The following CFAP99 variants were observed in gnomAD, a reference collection of about 807,000 sequenced individuals.
The protein encoded by CFAP99 is cilia- and flagella-associated protein 99.
A neutral mutation model predicts 82.7 loss-of-function variants in CFAP99; 84 were observed. The ratio of observed to expected loss-of-function variants is 1.02; its 90% CI spans 0.85 to 1.22. The LOEUF (loss-of-function observed/expected upper bound fraction) is 1.22, where lower values mean the gene tolerates loss of function less well. Ranked by LOEUF, CFAP99 falls within the 50% of genes most tolerant of loss-of-function variation. The pLI is 0.00. For synonymous variants in CFAP99, 456 were observed against 429.5 expected (o/e 1.06, Z -0.76); for missense variants, 1,059 against 983.5 (o/e 1.08, Z -1.03).
intron 9 of CFAP99, 32 bp downstream of exon 9, chr4:2,451,050 C>G (rs1409149467): frequency 6.6e-7 from 1 of 1,521,454 alleles, no homozygotes; most frequent in African/African-American, 1.4e-5. Flanking sequence ...TCAGGCTGCT[C>G]TCCCTGGGCA....
At chr4:2,426,710 G>A (rs546469498) in intron 2 of CFAP99, 124 bp downstream of exon 2, 59 of 679,120 alleles carry the variant, frequency 8.7e-5, no homozygotes, top group South Asian at 7.1e-4. Flanking sequence ...GAAGCTGACC[G>A]TGTTTTCCAC....
At chr4:2,458,413 G>A (rs1301603972) in intron 11 of CFAP99, among the ~76,000 whole-genome samples, 1 of 152,110 alleles carries the variant, frequency 6.6e-6, no homozygotes, top group Non-Finnish European at 1.5e-5. Flanking sequence ...AGCCTACGTT[G>A]CTACTGGGTG....
intron 2 of CFAP99, among the ~76,000 whole-genome samples, chr4:2,431,826 C>T (rs1214062182): frequency 3.3e-5 from 5 of 152,070 alleles, no homozygotes; most frequent in Non-Finnish European, 5.9e-5. Flanking sequence ...AAGCAATTCT[C>T]GTGCATGAGC....
intron 2 of CFAP99, chr4:2,427,528 C>T (rs1733711081): frequency 6.6e-6 from 1 of 152,440 alleles, no homozygotes; most frequent in East Asian, 1.9e-4. Flanking sequence ...AAAGAGGGCG[C>T]TCATAGCAAG....
intron 11 of CFAP99, among the ~76,000 whole-genome samples, chr4:2,458,177 C>G (rs1055429596): frequency 3.3e-5 from 5 of 152,236 alleles, no homozygotes; most frequent in African/African-American, 9.6e-5. Context: ...TCTCTCTTTG[C>G]TCATTGTCTG....
chr4:2,440,186 G>A (rs1358678562), intron 4 of CFAP99, among the ~76,000 whole-genome samples: 1 of 120,856 alleles, frequency 8.3e-6, no homozygotes, highest in Non-Finnish European at 1.6e-5. Flanking sequence ...TCGCTCTGTC[G>A]CCCAGGCTGG....
intron 1 of CFAP99, among the ~76,000 whole-genome samples, chr4:2,421,924 G>A (rs1733593891): frequency 6.6e-6 from 1 of 151,912 alleles, no homozygotes; most frequent in South Asian, 2.1e-4. Flanking sequence ...GGGCGTGGTA[G>A]TACATGCCTA....
intron 2 of CFAP99, among the ~76,000 whole-genome samples, chr4:2,429,593 CTTTTTT>C (rs33954359): frequency 7.2e-6 from 1 of 139,156 alleles, no homozygotes; most frequent in Non-Finnish European, 1.6e-5. Context: ...TTCTTTCTTT[CTTTTTT>C]TTTTTTTTTT....
intron 11 of CFAP99, among the ~76,000 whole-genome samples, chr4:2,454,595 T>TTTTTTTTTTTTTTTTTTTTTTC (rs1734384944): frequency 4.6e-5 from 5 of 107,946 alleles, no homozygotes; most frequent in Non-Finnish European, 7.2e-5. Flanking sequence ...TTTTTTTTTG[T>TTTTTTTTTTTTTTTTTTTTTTC]TTTTTTTTTT....
chr4:2,439,343 G>A (rs1733985643), intron 4 of CFAP99, among the ~76,000 whole-genome samples: 1 of 152,224 alleles, frequency 6.6e-6, no homozygotes, highest in Non-Finnish European at 1.5e-5. Context: ...GGAGGGGACA[G>A]TTTCCAGCCA....
intron 8 of CFAP99, 172 bp downstream of exon 8, chr4:2,450,177 T>C: frequency 1.5e-6 from 1 of 683,638 alleles, no homozygotes; most frequent in Non-Finnish European, 2.5e-6. Flanking sequence ...CCCACTGCGA[T>C]GTGGCCCCTA....
At chr4:2,438,364 A>G (rs28468561) in intron 4 of CFAP99, among the ~76,000 whole-genome samples, 200 bp downstream of exon 4, 7,598 of 152,066 alleles carry the variant, frequency 0.05, 562 homozygotes, top group African/African-American at 0.17. Flanking sequence ...CCGGGTTCAT[A>G]CCATTCTCCT....
Position 2,462,433 on chromosome 4 carries a change from C to A in CFAP99, c.1662-10C>A. ...CGGCCTGCTCCTGAGCCCGCCGCGT[C>A]GCCCGCCAGGTGGGAGGAAAAGAAG... On this transcript the variant is annotated splice_polypyrimidine_tract_variant and intron_variant, in intron 14 of 14. Coordinates refer to ENST00000635017, the Ensembl canonical transcript of CFAP99. This position sits in a 1 kb window ranked among gnomAD's most constrained non-coding sequence, Gnocchi z 4.1. The A allele has an allele frequency of 7.0e-7, 1 of 1,424,794 alleles. No individual in the cohort carries two copies. Among genetic ancestry groups the A allele is most frequent in the South Asian group, 1.5e-5 (1 of 67,676 alleles). 88.3% of individuals were successfully genotyped at this position (1,424,794 alleles called of 1,614,324 possible). A position where few individuals can be genotyped will look rare whatever the true frequency, so the allele number is the denominator to read the frequency against.
intron 11 of CFAP99, among the ~76,000 whole-genome samples, chr4:2,453,133 T>C (rs1475770802): frequency 6.6e-6 from 1 of 152,212 alleles, no homozygotes; most frequent in Non-Finnish European, 1.5e-5. Context: ...TCTCACCTCT[T>C]GTAAGTCTAT....
chr4:2,433,856 T>A (rs907205106), intron 2 of CFAP99, among the ~76,000 whole-genome samples: 15 of 152,130 alleles, frequency 9.9e-5, no homozygotes, highest in Non-Finnish European at 2.2e-4. Flanking sequence ...GAGGCCAGTG[T>A]GACTGGAACA....
intron 1 of CFAP99, among the ~76,000 whole-genome samples, chr4:2,422,612 C>G (rs963290553): frequency 1.1e-4 from 17 of 152,134 alleles, no homozygotes; most frequent in African/African-American, 4.1e-4. Flanking sequence ...ACCATCCACT[C>G]TCACCGCCCC....
intron 2 of CFAP99, among the ~76,000 whole-genome samples, chr4:2,430,854 CT>C (rs1733785072): frequency 6.6e-6 from 1 of 151,892 alleles, no homozygotes; most frequent in Non-Finnish European, 1.5e-5. Context: ...AGGAGGATTG[CT>C]TGAGGCCAGG....
rs10031162 is a variant in CFAP99, at chr4:2,444,413, A to G, written c.465-718A>G. On this transcript the variant is annotated intron_variant, in intron 5 of 14. Transcript: ENST00000635017. ...GGGGCCTGGCCCTGGCGAGACCCCA[A>G]GACTCCACTTGCTATGGGCCCTGGA... Among the ~76,000 whole-genome samples, 954 of 152,320 alleles carry G rather than the reference A, an allele frequency of 6.3e-3. 1 individual carries two copies. The highest frequency in any genetic ancestry group is 0.021 in the African/African-American group (883 of 41,572).
At chr4:2,459,070 C>G in intron 12 of CFAP99, 37 bp from the exon 13 acceptor site, 2 of 1,479,110 alleles carry the variant, frequency 1.4e-6, no homozygotes, top group Admixed American at 2.3e-5. Flanking sequence ...TGCCCTGCCA[C>G]CCACCAGCCA....
Sources: allele counts gnomAD v4.1 joint callset (sites outside exome capture counted in the v4.1 genomes callset), GRCh38; gene constraint gnomAD v4.1.1; non-coding constraint Gnocchi (gnomAD v3.1); transcripts MANE v1.5; gene names NCBI Gene and HGNC (gene_info 2026-07-23, HGNC 2026-07-21).